Variants in GABRB3 observed in about 807,000 individuals in gnomAD.
GABRB3 encodes gamma-aminobutyric acid receptor subunit beta-3.
GABRB3 carries 14 observed loss-of-function variants against 52.1 expected under a neutral mutation model. That is an observed-to-expected ratio of 0.27 (90% CI 0.18 to 0.42). GABRB3 has a LOEUF of 0.42. Ranked by LOEUF, GABRB3 falls within the 10% of genes least tolerant of loss-of-function variation. The pLI, the probability that GABRB3 is intolerant of heterozygous loss-of-function variation, is 1.00. For synonymous variants in GABRB3, 260 were observed against 232.3 expected (o/e 1.12, Z -1.08); for missense variants, 307 against 609.1 (o/e 0.50, Z 5.22).
chr15:26,643,833 T>C (rs1712101545), intron 3 of GABRB3, among the ~76,000 whole-genome samples: 1 of 152,218 alleles, frequency 6.6e-6, no homozygotes, highest in Admixed American at 6.5e-5. Flanking sequence ...GCTCATAGTC[T>C]AGCAAAGACC....
intron 3 of GABRB3, among the ~76,000 whole-genome samples, chr15:26,698,455 A>T (rs1405513188): frequency 5.9e-5 from 9 of 152,192 alleles, no homozygotes; most frequent in Admixed American, 5.9e-4. Flanking sequence ...AATTATATAC[A>T]CATTTATAGG....
At chr15:26,586,299 AT>A (rs950133790) in intron 4 of GABRB3, among the ~76,000 whole-genome samples, 1 of 151,284 alleles carries the variant, frequency 6.6e-6, no homozygotes, top group Admixed American at 6.6e-5. Flanking sequence ...GCCTGGCTTA[AT>A]TTTCTTATAT....
At chr15:26,575,506 T>A (rs956540104) in intron 6 of GABRB3, among the ~76,000 whole-genome samples, 3 of 152,212 alleles carry the variant, frequency 2.0e-5, no homozygotes, top group Non-Finnish European at 2.9e-5. Context: ...ATGTTTCATC[T>A]ATCTTTTCTA....
chr15:26,674,454 AAAG>A (rs1888003832), intron 3 of GABRB3, among the ~76,000 whole-genome samples: 1 of 114,084 alleles, frequency 8.8e-6, no homozygotes, highest in Admixed American at 1.1e-4. Context: ...AAGGAAAGGA[AAAG>A]AAAAGAAAAA....
intron 6 of GABRB3, among the ~76,000 whole-genome samples, chr15:26,576,526 C>T (rs546028045): frequency 2.4e-4 from 36 of 151,664 alleles, no homozygotes; most frequent in African/African-American, 8.5e-4. Flanking sequence ...CTACTGAAAC[C>T]GACTGGAAAA....
rs1245480696 is a variant in GABRB3 at position 26,621,074 on chromosome 15, A to C, written c.461+240T>G. On this transcript the variant is annotated intron_variant, in intron 4 of 8. Coordinates refer to ENST00000311550, the MANE Select transcript of GABRB3 (RefSeq NM_000814.6). This position sits in a 1 kb window ranked among gnomAD's most constrained non-coding sequence, Gnocchi z 4.1. Reference sequence around the variant, plus strand: ...TCTGTGTTCTTAGACATGGCAATCCAATTATATACAATTGATCCAAAGGTG... The same window carrying C: ...TCTGTGTTCTTAGACATGGCAATCCCATTATATACAATTGATCCAAAGGTG... Among the ~76,000 whole-genome samples, 1 of 129,194 alleles carries C rather than the reference A, an allele frequency of 7.7e-6. No homozygotes were observed. The highest frequency in any genetic ancestry group is 2.6e-5 in the African/African-American group (1 of 38,054). 84.8% of individuals were successfully genotyped at this position (129,194 alleles called of 152,430 possible).
At chr15:26,690,370 T>A (rs1433062294) in intron 3 of GABRB3, among the ~76,000 whole-genome samples, 1 of 152,136 alleles carries the variant, frequency 6.6e-6, no homozygotes, top group Non-Finnish European at 1.5e-5. Flanking sequence ...TAAGCCACCA[T>A]GCCAGGCCTG....
At chr15:26,711,115 T>A (rs1445137050) in intron 3 of GABRB3, among the ~76,000 whole-genome samples, 1 of 152,228 alleles carries the variant, frequency 6.6e-6, no homozygotes, top group Non-Finnish European at 1.5e-5. Flanking sequence ...AGCCAATTCA[T>A]CTGGCAAATG....
At chr15:26,645,883 C>T (rs1164348238) in intron 3 of GABRB3, among the ~76,000 whole-genome samples, 3 of 151,918 alleles carry the variant, frequency 2.0e-5, no homozygotes, top group African/African-American at 4.8e-5. Context: ...CCTCAGCCTC[C>T]CAATGGTCTT....
chr15:26,729,645 T>A (rs951176244), intron 3 of GABRB3, among the ~76,000 whole-genome samples: 1 of 152,116 alleles, frequency 6.6e-6, no homozygotes, highest in Non-Finnish European at 1.5e-5. Flanking sequence ...CCCTATAACT[T>A]CTTGAGCCAA....
chr15:26,607,913 T>C (rs1891900423), intron 4 of GABRB3, among the ~76,000 whole-genome samples: 1 of 152,060 alleles, frequency 6.6e-6, no homozygotes, highest in Admixed American at 6.6e-5. Flanking sequence ...ATAGATTCAT[T>C]GTAATCCCTA....
chr15:26,622,527 C>T lies in GABRB3; in HGVS notation c.241-993G>A, dbSNP rs556404943. ...TATCCAACCACGGAGGGGAAAAAAT[C>T]GCTGCCATTCTGCAAAAGCAGCTTT... On this transcript the variant is annotated intron_variant, in intron 3 of 8. Coordinates refer to ENST00000311550, the MANE Select transcript of GABRB3 (RefSeq NM_000814.6). Among the ~76,000 whole-genome samples, 71 of 152,274 alleles carry T rather than the reference C, an allele frequency of 4.7e-4. 2 individuals carry two copies. The South Asian group carries it at 0.014, about 29-fold the overall frequency.
chr15:26,576,228 C>T (rs2140720276), intron 6 of GABRB3, among the ~76,000 whole-genome samples: 1 of 152,330 alleles, frequency 6.6e-6, no homozygotes, highest in Non-Finnish European at 1.5e-5. Context: ...GTTTTCACAG[C>T]TTGTAACTGT....
chr15:26,573,402 TG>T (rs1284756612), intron 6 of GABRB3, among the ~76,000 whole-genome samples: 1 of 152,130 alleles, frequency 6.6e-6, no homozygotes, highest in Non-Finnish European at 1.5e-5. Context: ...AAAATGGGAT[TG>T]GGGTTTTAAA....
chr15:26,742,947 T>TTTTTG lies in GABRB3; in HGVS notation c.240+29454_240+29455insCAAAA, dbSNP rs771203717. ...TTCTTTTTTTTTTTTTTTTTTTTTT[T>TTTTTG]GAGACAGAGTCTCGCTATGGCGCCC... On this transcript the variant is annotated intron_variant, in intron 3 of 8. Transcript: ENST00000311550. Among the ~76,000 whole-genome samples, 344 of 104,116 alleles carry TTTTTG rather than the reference T, an allele frequency of 3.3e-3. 10 individuals are homozygous for TTTTTG. Among genetic ancestry groups the TTTTTG allele is most frequent in the Non-Finnish European group, 4.8e-3 (248 of 51,612 alleles). The allele number at this position is 104,116 out of a possible 152,430, so 68.3% of individuals were successfully genotyped here.
At chr15:26,726,946 G>A (rs1889789829) in intron 3 of GABRB3, among the ~76,000 whole-genome samples, 1 of 152,194 alleles carries the variant, frequency 6.6e-6, no homozygotes, top group African/African-American at 2.4e-5. Context: ...GGATCATGAG[G>A]TCAGGAGTTC....
At chr15:26,666,998 C>T (rs1338378230) in intron 3 of GABRB3, among the ~76,000 whole-genome samples, 1 of 143,136 alleles carries the variant, frequency 7.0e-6, no homozygotes, top group Non-Finnish European at 1.6e-5. Flanking sequence ...AGCACAAGAA[C>T]TGGTGCCCAC....
At chr15:26,624,492 C>T (rs976276985) in intron 3 of GABRB3, 2 of 985,426 alleles carry the variant, frequency 2.0e-6, no homozygotes, top group Non-Finnish European at 2.4e-6. Flanking sequence ...GCCCTAGGAG[C>T]CCGGCTGTCA....
intron 4 of GABRB3, among the ~76,000 whole-genome samples, chr15:26,587,665 G>A (rs906797950): frequency 3.3e-5 from 5 of 152,104 alleles, no homozygotes; most frequent in Non-Finnish European, 5.9e-5. Context: ...GGTTGAGAAG[G>A]GTTACAGAAG....
Sources: gnomAD v4.1 joint callset for allele counts (sites outside exome capture counted in the v4.1 genomes callset) on GRCh38, gnomAD v4.1.1 for gene constraint, Gnocchi (gnomAD v3.1) non-coding constraint, MANE v1.5 for transcripts, NCBI Gene and HGNC (gene_info 2026-07-23, HGNC 2026-07-21) for gene names.